Variants in RABGAP1L observed in about 807,000 individuals in gnomAD.
The protein encoded by RABGAP1L is rab GTPase-activating protein 1-like.
Under a neutral mutation model 137.7 loss-of-function variants are expected in RABGAP1L, and 63 were observed. The observed-to-expected ratio is 0.46, with a 90% CI of 0.37 to 0.56. The LOEUF is 0.56. RABGAP1L is among the 20% of genes least tolerant of loss of function. The probability of loss-of-function intolerance (pLI) is 0.00; values close to 1 mark genes in which losing one functional copy is unlikely to be tolerated. For synonymous variants in RABGAP1L, 431 were observed against 433.7 expected (o/e 0.99, Z 0.08); for missense variants, 1,095 against 1,244.0 (o/e 0.88, Z 1.80).
chr1:174,609,537 G>A (rs888094147), intron 13 of RABGAP1L, among the ~76,000 whole-genome samples: 6 of 152,204 alleles, frequency 3.9e-5, no homozygotes, highest in South Asian at 4.1e-4. Flanking sequence ...GTCTCATATG[G>A]TATTAAGAAC....
chr1:174,204,354 G>A (rs985972851), intron 1 of RABGAP1L, among the ~76,000 whole-genome samples: 1 of 152,130 alleles, frequency 6.6e-6, no homozygotes, highest in East Asian at 1.9e-4. Flanking sequence ...CGTGTTATCT[G>A]TAAACAGAGA....
At chr1:174,179,468 T>C (rs1268732791) in intron 1 of RABGAP1L, among the ~76,000 whole-genome samples, 1 of 152,092 alleles carries the variant, frequency 6.6e-6, no homozygotes, top group East Asian at 1.9e-4. Context: ...CTTTGTCACA[T>C]AGAATGTTAA....
At chr1:174,621,403 C>G (rs1348892213) in intron 13 of RABGAP1L, among the ~76,000 whole-genome samples, 1 of 152,196 alleles carries the variant, frequency 6.6e-6, no homozygotes, top group African/African-American at 2.4e-5. Flanking sequence ...CAATTCAATC[C>G]TAAGCCAAAA....
intron 18 of RABGAP1L, among the ~76,000 whole-genome samples, chr1:174,797,886 G>A (rs1038677703): frequency 1.3e-5 from 2 of 152,000 alleles, no homozygotes; most frequent in Non-Finnish European, 2.9e-5. Context: ...TTGTATATAC[G>A]TAATATTCTA....
At chr1:174,341,049 G>C (rs1270881197) in intron 11 of RABGAP1L, among the ~76,000 whole-genome samples, 2 of 151,856 alleles carry the variant, frequency 1.3e-5, no homozygotes, top group African/African-American at 4.8e-5. Context: ...TTAGTTGGCT[G>C]CATGAATGTC....
intron 15 of RABGAP1L, among the ~76,000 whole-genome samples, chr1:174,685,439 G>T (rs1557983783): frequency 6.6e-6 from 1 of 151,998 alleles, no homozygotes; most frequent in Admixed American, 6.6e-5. Flanking sequence ...TATTTTAGTA[G>T]AGATGGGGTT....
intron 1 of RABGAP1L, among the ~76,000 whole-genome samples, chr1:174,207,068 G>A (rs1668561249): frequency 6.6e-6 from 1 of 152,096 alleles, no homozygotes; most frequent in Non-Finnish European, 1.5e-5. Flanking sequence ...ATGCTGATAA[G>A]CTTCTGTTCC....
chr1:174,916,110 G>C (rs1388138505), intron 19 of RABGAP1L, among the ~76,000 whole-genome samples: 2 of 142,878 alleles, frequency 1.4e-5, no homozygotes, highest in Non-Finnish European at 3.1e-5. Flanking sequence ...TATGAGGTAA[G>C]GGTCTATGTA....
intron 18 of RABGAP1L, among the ~76,000 whole-genome samples, chr1:174,805,131 TTGA>T (rs1285859115): frequency 1.3e-5 from 2 of 152,222 alleles, no homozygotes; most frequent in African/African-American, 4.8e-5. Context: ...TTGGATATGC[TTGA>T]AGTGGAGCCT....
intron 13 of RABGAP1L, among the ~76,000 whole-genome samples, chr1:174,410,038 A>G (rs1240183632): frequency 6.6e-6 from 1 of 152,088 alleles, no homozygotes. Context: ...CCTTTGAAGC[A>G]TGTGATCTTT....
intron 13 of RABGAP1L, chr1:174,449,224 A>G (rs1309078730): frequency 6.6e-7 from 1 of 1,522,118 alleles, no homozygotes. Context: ...AATCAAATGT[A>G]ATCTGACAGT....
intron 7 of RABGAP1L, among the ~76,000 whole-genome samples, chr1:174,263,116 C>T (rs919807969): frequency 1.5e-4 from 23 of 152,180 alleles, no homozygotes; most frequent in Non-Finnish European, 3.1e-4. Flanking sequence ...CCCCAGGCCT[C>T]GTACCACCCT....
intron 10 of RABGAP1L, among the ~76,000 whole-genome samples, chr1:174,302,711 C>G (rs1333067142): frequency 2.6e-5 from 4 of 152,156 alleles, no homozygotes; most frequent in Non-Finnish European, 4.4e-5. Flanking sequence ...CTTTTTTGAT[C>G]TGTGCTAAGT....
intron 7 of RABGAP1L, among the ~76,000 whole-genome samples, chr1:174,260,050 G>A (rs868406352): frequency 7.9e-5 from 12 of 152,052 alleles, no homozygotes; most frequent in South Asian, 4.1e-4. Context: ...GGTCAGGCTG[G>A]TCTTGAACTC....
intron 11 of RABGAP1L, among the ~76,000 whole-genome samples, chr1:174,362,246 G>A (rs923262638): frequency 2.6e-5 from 4 of 152,236 alleles, no homozygotes; most frequent in African/African-American, 2.4e-5. Context: ...GTGAACATCC[G>A]TGTGCATGTG....
intron 13 of RABGAP1L, among the ~76,000 whole-genome samples, chr1:174,603,156 T>A (rs1461673799): frequency 6.6e-6 from 1 of 152,208 alleles, no homozygotes; most frequent in Non-Finnish European, 1.5e-5. Flanking sequence ...ACTACAGCTA[T>A]ATCTGCATTA....
intron 11 of RABGAP1L, among the ~76,000 whole-genome samples, chr1:174,348,530 A>T (rs1682668757): frequency 7.2e-6 from 1 of 139,274 alleles, no homozygotes; most frequent in South Asian, 2.5e-4. Context: ...GGGTCATGGG[A>T]CAATAGTGGA....
At chr1:174,669,708 C>T (rs1677041830) in intron 14 of RABGAP1L, among the ~76,000 whole-genome samples, 1 of 152,178 alleles carries the variant, frequency 6.6e-6, no homozygotes, top group African/African-American at 2.4e-5. Flanking sequence ...GATATGCAGT[C>T]TTCTCAGAAC....
At chr1:174,344,682 G>C (rs1682283722) in intron 11 of RABGAP1L, among the ~76,000 whole-genome samples, 1 of 152,138 alleles carries the variant, frequency 6.6e-6, no homozygotes, top group Non-Finnish European at 1.5e-5. Flanking sequence ...GAAACAGGCT[G>C]AGTGACTGAT....
Sources: gnomAD v4.1 joint callset for allele counts (sites outside exome capture counted in the v4.1 genomes callset) on GRCh38, gnomAD v4.1.1 for gene constraint, MANE v1.5 for transcripts, NCBI Gene and HGNC (gene_info 2026-07-23, HGNC 2026-07-21) for gene names.